PTPRG: variants seen among roughly 807,000 people sequenced by gnomAD.
PTPRG encodes the protein protein tyrosine phosphatase receptor type G.
A neutral mutation model predicts 165.3 loss-of-function variants in PTPRG; 102 were observed. The ratio of observed to expected loss-of-function variants is 0.62; its 90% CI spans 0.53 to 0.73. The LOEUF (loss-of-function observed/expected upper bound fraction) is 0.73, where lower values mean the gene tolerates loss of function less well. Ranked by LOEUF, PTPRG falls within the 30% of genes least tolerant of loss-of-function variation. The pLI is 0.00. For synonymous variants in PTPRG, 675 were observed against 669.5 expected (o/e 1.01, Z -0.13); for missense variants, 1,866 against 1,861.4 (o/e 1.00, Z -0.05).
At chr3:62,134,484 G>T (rs568068030) in intron 6 of PTPRG, among the ~76,000 whole-genome samples, 1 of 152,090 alleles carries the variant, frequency 6.6e-6, no homozygotes, top group African/African-American at 2.4e-5. Context: ...TTCCTCTGTC[G>T]GGAGAGTTCT....
chr3:62,186,740 G>GT (rs1371709364), intron 8 of PTPRG, among the ~76,000 whole-genome samples: 24 of 151,786 alleles, frequency 1.6e-4, no homozygotes, highest in Non-Finnish European at 2.7e-4. Context: ...TAATTTTTGT[G>GT]TTTTTTTCTA....
rs773706167 is a variant in PTPRG at position 61,938,228 on chromosome 3, C to A, written c.191-51397C>A. On this transcript the variant is annotated intron_variant, in intron 2 of 29. Transcript: ENST00000474889. ...TCTGGGTAGCTTATCACCCCTTTTT[C>A]TTTTTCCTTTTTTTTTTTTTTTACT... Among the ~76,000 whole-genome samples, 14 of 120,966 alleles carry A rather than the reference C, an allele frequency of 1.2e-4. 1 individual carries two copies. The South Asian group carries it at 1.7e-3, about 14-fold the overall frequency. The allele number at this position is 120,966 out of a possible 152,430, so 79.4% of individuals were successfully genotyped here. A position where few individuals can be genotyped will look rare whatever the true frequency, so the allele number is the denominator to read the frequency against.
intron 2 of PTPRG, among the ~76,000 whole-genome samples, chr3:61,851,713 A>G (rs1233562046): frequency 6.6e-6 from 1 of 152,170 alleles, no homozygotes; most frequent in Non-Finnish European, 1.5e-5. Context: ...GAATTATTAG[A>G]CTTTTCTTGA....
chr3:62,138,699 AC>A (rs1457717637), intron 6 of PTPRG, among the ~76,000 whole-genome samples: 2 of 145,650 alleles, frequency 1.4e-5, no homozygotes, highest in Non-Finnish European at 3.0e-5. Flanking sequence ...AGCCTCAGTG[AC>A]AAGGGCAAAG....
intron 2 of PTPRG, among the ~76,000 whole-genome samples, chr3:61,876,494 C>T (rs1431397259): frequency 1.3e-5 from 2 of 152,150 alleles, no homozygotes; most frequent in Admixed American, 6.5e-5. Flanking sequence ...GAAGCTGGGT[C>T]AGGGATATAT....
intron 2 of PTPRG, among the ~76,000 whole-genome samples, chr3:61,847,842 A>C (rs1356093517): frequency 6.6e-6 from 1 of 152,260 alleles, no homozygotes. Flanking sequence ...CAGAGGCTTA[A>C]GACAGCCTTC....
intron 2 of PTPRG, among the ~76,000 whole-genome samples, chr3:61,904,015 T>G (rs1881940): frequency 0.12 from 17,845 of 152,114 alleles, 1,723 homozygotes; most frequent in African/African-American, 0.26. Context: ...GAAGAGATGC[T>G]TCTGTAAATA....
chr3:61,796,787 T>G (rs534279312), intron 2 of PTPRG, among the ~76,000 whole-genome samples: 1 of 152,352 alleles, frequency 6.6e-6, no homozygotes, highest in African/African-American at 2.4e-5. Context: ...TTATTGTTTT[T>G]GTCTGTCTTA....
intron 9 of PTPRG, among the ~76,000 whole-genome samples, chr3:62,192,819 G>A (rs1270492949): frequency 3.3e-5 from 5 of 152,236 alleles, no homozygotes; most frequent in South Asian, 2.1e-4. Context: ...AATGAAACCC[G>A]TAATTGTATA....
chr3:61,836,070 A>T (rs1284557728), intron 2 of PTPRG, among the ~76,000 whole-genome samples: 1 of 141,966 alleles, frequency 7.0e-6, no homozygotes, highest in African/African-American at 2.6e-5. Flanking sequence ...ACCAAAAAAA[A>T]AAATATATAT....
intron 2 of PTPRG, among the ~76,000 whole-genome samples, chr3:61,811,318 A>C (rs547723799): frequency 1.3e-5 from 2 of 152,310 alleles, no homozygotes; most frequent in South Asian, 4.1e-4. Context: ...CCTGTTGCTT[A>C]ACTCTCAGTC....
intron 8 of PTPRG, among the ~76,000 whole-genome samples, chr3:62,171,488 C>T (rs965545113): frequency 6.6e-6 from 1 of 152,094 alleles, no homozygotes; most frequent in Non-Finnish European, 1.5e-5. Context: ...CAAATTTATA[C>T]TTGCGCAGCC....
chr3:61,846,957 C>T (rs1013892889), intron 2 of PTPRG, among the ~76,000 whole-genome samples: 1 of 152,044 alleles, frequency 6.6e-6, no homozygotes, highest in Non-Finnish European at 1.5e-5. Flanking sequence ...ACTGTGCTGT[C>T]TAGTACAGTA....
chr3:62,127,751 TG>T (rs1174122626), intron 5 of PTPRG, among the ~76,000 whole-genome samples: 2 of 152,106 alleles, frequency 1.3e-5, no homozygotes, highest in Admixed American at 6.6e-5. Context: ...CCAAATGGCA[TG>T]GGGGACAGTA....
intron 2 of PTPRG, among the ~76,000 whole-genome samples, chr3:61,851,108 C>G (rs2036951821): frequency 6.6e-6 from 1 of 152,154 alleles, no homozygotes; most frequent in Non-Finnish European, 1.5e-5. Context: ...ACTGAGCCCA[C>G]AAATGATACA....
intron 1 of PTPRG, among the ~76,000 whole-genome samples, chr3:61,625,621 T>C (rs1701587926): frequency 6.6e-6 from 1 of 152,152 alleles, no homozygotes; most frequent in Admixed American, 6.5e-5. Context: ...GTAGTGTTGA[T>C]GTGGTCATAG....
At chr3:61,652,016 TA>T (rs947871664) in intron 1 of PTPRG, among the ~76,000 whole-genome samples, 20 of 149,264 alleles carry the variant, frequency 1.3e-4, no homozygotes, top group African/African-American at 5.0e-4. Flanking sequence ...TCTCAATATA[TA>T]TATAAAAGTA....
intron 1 of PTPRG, among the ~76,000 whole-genome samples, chr3:61,683,950 G>A (rs1392457966): frequency 6.6e-6 from 1 of 152,184 alleles, no homozygotes; most frequent in Non-Finnish European, 1.5e-5. Flanking sequence ...CTATATATTG[G>A]TAACATTTAG....
At chr3:62,004,539 T>C (rs1473636619) in intron 4 of PTPRG, among the ~76,000 whole-genome samples, 2 of 152,232 alleles carry the variant, frequency 1.3e-5, no homozygotes, top group African/African-American at 4.8e-5. Context: ...ATTTCTTCCT[T>C]GCTATATAAA....
Sources: gnomAD v4.1 joint callset for allele counts (sites outside exome capture counted in the v4.1 genomes callset) on GRCh38, gnomAD v4.1.1 for gene constraint, MANE v1.5 for transcripts, NCBI Gene and HGNC (gene_info 2026-07-23, HGNC 2026-07-21) for gene names.